NEGR1: variants seen among roughly 807,000 people sequenced by gnomAD.
NEGR1 encodes the protein IgLON family member 4.
A neutral mutation model predicts 40.9 loss-of-function variants in NEGR1; 10 were observed. The ratio of observed to expected loss-of-function variants is 0.24; its 90% confidence interval spans 0.15 to 0.42. The LOEUF is 0.42. NEGR1 is among the 10% of genes least tolerant of loss of function. The pLI is 1.00. For missense variants in NEGR1, 352 were observed against 438.9 expected (o/e 0.80, Z 1.77); for synonymous variants, 185 against 166.8 (o/e 1.11, Z -0.84).
chr1:71,922,357 T>G (rs954620468), intron 2 of NEGR1, among the ~76,000 whole-genome samples: 2 of 152,176 alleles, frequency 1.3e-5, no homozygotes, highest in Admixed American at 6.5e-5. Flanking sequence ...ATGCACCTTC[T>G]GGTGTGGGGG....
chr1:71,559,408 T>G (rs1648366886), intron 6 of NEGR1, among the ~76,000 whole-genome samples: 1 of 151,596 alleles, frequency 6.6e-6, no homozygotes, highest in African/African-American at 2.4e-5. Context: ...AGTATGGTTA[T>G]GTGATTCATT....
intron 2 of NEGR1, among the ~76,000 whole-genome samples, chr1:71,850,930 C>CT (rs1659579602): frequency 6.6e-6 from 1 of 152,142 alleles, no homozygotes; most frequent in South Asian, 2.1e-4. Context: ...TTTACAGTAA[C>CT]TTCTGATTCA....
chr1:71,613,533 G>A (rs11209803), intron 4 of NEGR1, among the ~76,000 whole-genome samples: 36,557 of 151,736 alleles, frequency 0.24, 5,526 homozygotes, highest in East Asian at 0.52. Flanking sequence ...TGTAATCCCA[G>A]CTGAAGCGGG....
intron 2 of NEGR1, among the ~76,000 whole-genome samples, chr1:71,814,021 A>C (rs953809044): frequency 3.3e-5 from 5 of 152,106 alleles, no homozygotes; most frequent in African/African-American, 1.2e-4. Context: ...TTCAAGGGGA[A>C]TGCTTCCAGC....
At chr1:71,940,156 T>C (rs1443728162) in intron 1 of NEGR1, among the ~76,000 whole-genome samples, 1 of 152,184 alleles carries the variant, frequency 6.6e-6, no homozygotes, top group East Asian at 1.9e-4. Flanking sequence ...AGATCTTTTT[T>C]CTTTGGACTT....
chr1:71,593,055 CA>C, intron 5 of NEGR1, 87 bp from the exon 6 acceptor site: 6 of 852,720 alleles, frequency 7.0e-6, no homozygotes, highest in Non-Finnish European at 1.1e-5. Flanking sequence ...CATGGCAACC[CA>C]TAGACAATTC....
chr1:71,651,704 T>C (rs888006192), intron 4 of NEGR1, among the ~76,000 whole-genome samples: 2 of 152,150 alleles, frequency 1.3e-5, no homozygotes, highest in Non-Finnish European at 2.9e-5. Flanking sequence ...AACTCACTTA[T>C]GAATGTATAT....
intron 2 of NEGR1, among the ~76,000 whole-genome samples, chr1:71,820,171 C>T (rs936194088): frequency 5.9e-5 from 9 of 151,872 alleles, no homozygotes; most frequent in African/African-American, 9.7e-5. Context: ...TAATAAAAGA[C>T]GACACCAGTG....
intron 1 of NEGR1, among the ~76,000 whole-genome samples, chr1:71,964,343 A>G (rs1178857800): frequency 6.6e-6 from 1 of 152,118 alleles, no homozygotes; most frequent in African/African-American, 2.4e-5. Context: ...TAGGCTCAAG[A>G]AGGCCCTAGG....
chr1:71,622,529 A>T (rs1650642401), intron 4 of NEGR1, among the ~76,000 whole-genome samples: 2 of 151,850 alleles, frequency 1.3e-5, no homozygotes, highest in African/African-American at 2.4e-5. Flanking sequence ...AAACATAAGA[A>T]TTTTTTTGTA....
At chr1:71,460,822 C>T (rs994172234) in intron 6 of NEGR1, among the ~76,000 whole-genome samples, 4 of 152,004 alleles carry the variant, frequency 2.6e-5, no homozygotes, top group Admixed American at 2.6e-4. Context: ...ATGCCAGAAA[C>T]AAATTAATGC....
chr1:72,182,826 A>G (rs1652434126), intron 1 of NEGR1, among the ~76,000 whole-genome samples: 1 of 51,278 alleles, frequency 2.0e-5, no homozygotes, highest in African/African-American at 7.2e-5. Flanking sequence ...GTGTGTGTGT[A>G]CATATATACA....
chr1:72,246,288 T>C (rs1486243212), intron 1 of NEGR1, among the ~76,000 whole-genome samples: 1 of 152,240 alleles, frequency 6.6e-6, no homozygotes, highest in African/African-American at 2.4e-5. Context: ...TCCCATTGTA[T>C]TGTATAAATG....
intron 6 of NEGR1, among the ~76,000 whole-genome samples, chr1:71,483,451 G>A (rs1173819235): frequency 1.3e-5 from 2 of 151,748 alleles, no homozygotes; most frequent in Non-Finnish European, 2.9e-5. Context: ...ATTCATAATA[G>A]AGATGATGGT....
intron 4 of NEGR1, among the ~76,000 whole-genome samples, chr1:71,695,654 A>G (rs1653452236): frequency 1.3e-5 from 2 of 151,904 alleles, no homozygotes; most frequent in African/African-American, 4.8e-5. Flanking sequence ...TTCAGGCTCT[A>G]CCTCAAATGT....
At chr1:71,693,698 A>T (rs993382871) in intron 4 of NEGR1, among the ~76,000 whole-genome samples, 2 of 151,678 alleles carry the variant, frequency 1.3e-5, no homozygotes, top group African/African-American at 4.8e-5. Flanking sequence ...TACTTATAGT[A>T]AATTATATCT....
intron 2 of NEGR1, among the ~76,000 whole-genome samples, chr1:71,899,770 G>T (rs1661095613): frequency 6.6e-6 from 1 of 152,040 alleles, no homozygotes; most frequent in Admixed American, 6.6e-5. Context: ...TCTCATGGCA[G>T]GCTTATTTAA....
At chr1:71,557,544 C>T (rs570747710) in intron 6 of NEGR1, among the ~76,000 whole-genome samples, 7 of 151,672 alleles carry the variant, frequency 4.6e-5, no homozygotes, top group Non-Finnish European at 7.4e-5. Flanking sequence ...TTAATCTGCT[C>T]ATTACTTTAA....
rs75351590 is a variant in NEGR1 at position 72,086,492 on chromosome 1, G to A, written c.177-151181C>T. On this transcript the variant is annotated intron_variant, in intron 1 of 6. Transcript: ENST00000357731. ...ACCTGATTCTTTTCTAGATTACTCCGTTGTGTGGAATATTGAGTGCCCAAA... is the reference window on the plus strand; with the variant it reads ...ACCTGATTCTTTTCTAGATTACTCCATTGTGTGGAATATTGAGTGCCCAAA... Among the ~76,000 whole-genome samples the A allele has an allele frequency of 8.3e-4, 126 of 152,306 alleles. 1 individual carries two copies. The highest frequency in any genetic ancestry group is 2.8e-3 in the African/African-American group (117 of 41,562).
Sources: allele counts gnomAD v4.1 joint callset (sites outside exome capture counted in the v4.1 genomes callset), GRCh38; gene constraint gnomAD v4.1.1; transcripts MANE v1.5; gene names NCBI Gene and HGNC (gene_info 2026-07-23, HGNC 2026-07-21).